The following ASPRV1 variants were observed in gnomAD, a reference collection of about 807,000 sequenced individuals.
The protein encoded by ASPRV1 is aspartic peptidase retroviral like 1.
A neutral mutation model predicts 11.0 loss-of-function variants in ASPRV1; 7 were observed. The observed-to-expected ratio is 0.64, with a 90% confidence interval of 0.36 to 1.20. The LOEUF (loss-of-function observed/expected upper bound fraction) is 1.20. Ranked by LOEUF, ASPRV1 falls within the 50% of genes most tolerant of loss-of-function variation. The probability of loss-of-function intolerance (pLI) is 0.02; values close to 1 mark genes in which losing one functional copy is unlikely to be tolerated. For missense variants in ASPRV1, 299 were observed against 320.0 expected (o/e 0.93, Z 0.50); for synonymous variants, 136 against 138.4 (o/e 0.98, Z 0.12).
the ASPRV1 span, chr2:69,939,484 A>G: frequency 1.3e-5 from 2 of 152,664 alleles, no homozygotes; most frequent in East Asian, 1.9e-4. Context: ...GAGCACATGT[A>G]TATGTACATA....
the ASPRV1 span, among the ~76,000 whole-genome samples, chr2:70,060,706 C>T: frequency 2.0e-5 from 3 of 152,182 alleles, no homozygotes; most frequent in African/African-American, 7.2e-5. Flanking sequence ...ATCCCAGCTA[C>T]TTGGGAGGCT....
chr2:69,951,446 A>AGTGT, the ASPRV1 span, among the ~76,000 whole-genome samples: 318 of 107,316 alleles, frequency 3.0e-3, no homozygotes, highest in East Asian at 5.3e-3. Context: ...AAAAAAAGTG[A>AGTGT]GTGTGTGTGT....
chr2:70,061,424 G>C, the ASPRV1 span, among the ~76,000 whole-genome samples: 3 of 151,280 alleles, frequency 2.0e-5, no homozygotes, highest in Non-Finnish European at 4.4e-5. Flanking sequence ...AAAAAACCTA[G>C]GGATAGTTAA....
At chr2:70,084,228 G>C in the ASPRV1 span, among the ~76,000 whole-genome samples, 1 of 152,200 alleles carries the variant, frequency 6.6e-6, no homozygotes, top group East Asian at 1.9e-4. Context: ...TTTCTCTAGA[G>C]AAAAGAAATA....
At chr2:70,033,671 C>T in the ASPRV1 span, among the ~76,000 whole-genome samples, 3 of 152,090 alleles carry the variant, frequency 2.0e-5, no homozygotes, top group Non-Finnish European at 4.4e-5. Context: ...ATAATTTTTT[C>T]CCCTATGAAT....
At chr2:70,035,187 T>C in the ASPRV1 span, among the ~76,000 whole-genome samples, 3 of 152,116 alleles carry the variant, frequency 2.0e-5, no homozygotes, top group African/African-American at 7.2e-5. Context: ...AGGTTGCCAG[T>C]AGGAAATCTC....
the ASPRV1 span, among the ~76,000 whole-genome samples, chr2:70,052,964 T>G: frequency 3.3e-5 from 5 of 152,262 alleles, no homozygotes; most frequent in Non-Finnish European, 7.4e-5. Flanking sequence ...AAGGCCTACA[T>G]CTTTCTATGA....
the ASPRV1 span, among the ~76,000 whole-genome samples, chr2:69,934,874 A>G: frequency 6.6e-6 from 1 of 152,344 alleles, no homozygotes; most frequent in South Asian, 2.1e-4. Context: ...AATCTTTGCT[A>G]TTACAAATAA....
chr2:69,933,200 C>CAAAAAAAAAAAAAAAAAA, the ASPRV1 span, among the ~76,000 whole-genome samples: 1 of 80,144 alleles, frequency 1.2e-5, no homozygotes, highest in Non-Finnish European at 2.5e-5. Context: ...AACTCTGTCT[C>CAAAAAAAAAAAAAAAAAA]AAAAAAAAAA....
the ASPRV1 span, among the ~76,000 whole-genome samples, chr2:69,948,547 G>A: frequency 5.9e-5 from 9 of 152,240 alleles, no homozygotes; most frequent in South Asian, 4.1e-4. Context: ...TGGACCAGAT[G>A]CCTTTAGGAG....
At chr2:70,084,567 TTAAA>T in the ASPRV1 span, among the ~76,000 whole-genome samples, 1 of 152,232 alleles carries the variant, frequency 6.6e-6, no homozygotes. Context: ...TTTGTGAGGA[TTAAA>T]TGTGTATAAG....
chr2:69,981,430 CCA>C, the ASPRV1 span, among the ~76,000 whole-genome samples: 5 of 152,094 alleles, frequency 3.3e-5, no homozygotes, highest in South Asian at 2.1e-4. Flanking sequence ...AAACTATGTA[CCA>C]TATATTAAGA....
chr2:69,998,728 C>CA, the ASPRV1 span, among the ~76,000 whole-genome samples: 185 of 101,988 alleles, frequency 1.8e-3, 1 homozygote, highest in Middle Eastern at 5.1e-3. Flanking sequence ...GACTCCGTCT[C>CA]AAAAAAAAAA....
At chr2:69,974,081 T>C in the ASPRV1 span, among the ~76,000 whole-genome samples, 1 of 152,222 alleles carries the variant, frequency 6.6e-6, no homozygotes, top group African/African-American at 2.4e-5. Flanking sequence ...CTCATGCCTG[T>C]AATCCCAACA....
chr2:70,005,428 T>C, the ASPRV1 span, among the ~76,000 whole-genome samples: 1 of 152,216 alleles, frequency 6.6e-6, no homozygotes. Context: ...TTCTGTTGTC[T>C]TCTTGACACG....
upstream of ASPRV1, among the ~76,000 whole-genome samples, chr2:69,963,902 G>A (rs946015556): frequency 2.0e-5 from 3 of 152,192 alleles, no homozygotes; most frequent in Non-Finnish European, 2.9e-5. Context: ...TAGCATAGGC[G>A]CCGGGGGCAG....
the ASPRV1 span, among the ~76,000 whole-genome samples, chr2:69,954,309 G>A: frequency 6.6e-6 from 1 of 152,122 alleles, no homozygotes; most frequent in African/African-American, 2.4e-5. Context: ...TTGCAGCACT[G>A]CCCACTAGGC....
At chr2:70,006,772 T>A in the ASPRV1 span, among the ~76,000 whole-genome samples, 1 of 152,154 alleles carries the variant, frequency 6.6e-6, no homozygotes, top group Non-Finnish European at 1.5e-5. Context: ...TAAAATAACA[T>A]CCTGATCATT....
At chr2:70,054,576 C>CAATAAATAAATA in the ASPRV1 span, among the ~76,000 whole-genome samples, 30 of 149,176 alleles carry the variant, frequency 2.0e-4, no homozygotes, top group African/African-American at 6.9e-4. Context: ...GACTCCGTCT[C>CAATAAATAAATA]AATAAATAAA....
Sources: gnomAD v4.1 joint callset for allele counts (sites outside exome capture counted in the v4.1 genomes callset) on GRCh38, gnomAD v4.1.1 for gene constraint, MANE v1.5 for transcripts, NCBI Gene and HGNC (gene_info 2026-07-23, HGNC 2026-07-21) for gene names.